The following NXPE4 variants were observed in gnomAD, a reference collection of about 807,000 sequenced individuals.
The protein encoded by NXPE4 is neurexophilin and PC-esterase domain family member 4.
NXPE4 carries 42 observed loss-of-function variants against 33.3 expected under a neutral mutation model. The observed-to-expected ratio is 1.26, with a 90% confidence interval of 0.98 to 1.63. The LOEUF (loss-of-function observed/expected upper bound fraction) is 1.63. NXPE4 is among the 40% of genes most tolerant of loss of function. The pLI, the probability that NXPE4 is intolerant of heterozygous loss-of-function variation, is 0.00. For synonymous variants in NXPE4, 253 were observed against 234.9 expected, an observed-to-expected ratio of 1.08 and a Z score of -0.71; for missense variants, 709 against 647.6, an observed-to-expected ratio of 1.09 and a Z score of -1.03.
intron 5 of NXPE4, among the ~76,000 whole-genome samples, chr11:114,575,235 A>G (rs1205585874): frequency 6.6e-6 from 1 of 152,154 alleles, no homozygotes; most frequent in Non-Finnish European, 1.5e-5. Context: ...AGCCAACATA[A>G]TACTGAATGG....
chr11:114,615,589 A>G, the NXPE4 span, among the ~76,000 whole-genome samples: 1 of 150,924 alleles, frequency 6.6e-6, no homozygotes, highest in Admixed American at 6.6e-5. Context: ...CTGGTGAATA[A>G]TATTTGCTGC....
chr11:114,644,130 G>C, the NXPE4 span, among the ~76,000 whole-genome samples: 1 of 152,146 alleles, frequency 6.6e-6, no homozygotes, highest in Non-Finnish European at 1.5e-5. Flanking sequence ...TGCTGAAGTT[G>C]CTTATCAGCT....
chr11:114,589,094 G>A (rs1380046952), intron 2 of NXPE4, among the ~76,000 whole-genome samples: 1 of 152,154 alleles, frequency 6.6e-6, no homozygotes, highest in East Asian at 1.9e-4. Context: ...AGTTGCTATT[G>A]ATGTGGGAAG....
At position 114,591,206 on chromosome 11, in the gene NXPE4, C is replaced by G. The variant is rs188324042; in HGVS notation, c.96+3458G>C. ...TATCCAGGCACAAGTGCTCAACTAG[C>G]TGAACTGACAGCTCTTACAAGAGCA... On this transcript the variant is annotated intron_variant, in intron 2 of 5. Transcript: ENST00000375478. 1.1e-3 allele frequency among the ~76,000 whole-genome samples: 165 copies of G among 152,352 alleles called. 1 individual carries two copies. The highest frequency in any genetic ancestry group is 3.7e-3 in the African/African-American group (154 of 41,586).
intron 2 of NXPE4, among the ~76,000 whole-genome samples, chr11:114,587,356 C>T (rs988891102): frequency 4.6e-5 from 7 of 152,236 alleles, no homozygotes; most frequent in South Asian, 2.1e-4. Context: ...AGAGCCACTG[C>T]CTAAGAATAA....
the NXPE4 span, among the ~76,000 whole-genome samples, chr11:114,610,058 G>A: frequency 6.6e-6 from 1 of 151,762 alleles, no homozygotes; most frequent in East Asian, 2.0e-4. Context: ...TGGATAATAA[G>A]TCTTGCCTCA....
At chr11:114,599,238 A>C (rs763499209), upstream of NXPE4, among the ~76,000 whole-genome samples, 1 of 152,152 alleles carries the variant, frequency 6.6e-6, no homozygotes, top group Non-Finnish European at 1.5e-5. Flanking sequence ...TCACTAAACC[A>C]TAACAAAACT....
the NXPE4 span, among the ~76,000 whole-genome samples, chr11:114,660,205 T>C: frequency 6.6e-6 from 1 of 152,068 alleles, no homozygotes; most frequent in African/African-American, 2.4e-5. Flanking sequence ...CTAAATGGTT[T>C]TATTTGCAAA....
intron 2 of NXPE4, among the ~76,000 whole-genome samples, chr11:114,593,056 C>A (rs185175469): frequency 3.0e-4 from 46 of 152,222 alleles, no homozygotes; most frequent in African/African-American, 1.0e-3. Flanking sequence ...ATATGCATGA[C>A]CCAAAGTATG....
chr11:114,579,132 T>A (rs1394335574), intron 5 of NXPE4, among the ~76,000 whole-genome samples: 1 of 152,136 alleles, frequency 6.6e-6, no homozygotes, highest in Non-Finnish European at 1.5e-5. Context: ...GGGAAGCTTT[T>A]AGTCATGGCG....
chr11:114,617,949 C>T, the NXPE4 span, among the ~76,000 whole-genome samples: 1 of 151,824 alleles, frequency 6.6e-6, no homozygotes, highest in Non-Finnish European at 1.5e-5. Flanking sequence ...AGTATTGCCT[C>T]GTGGGAAACC....
the NXPE4 span, among the ~76,000 whole-genome samples, chr11:114,667,696 T>C: frequency 2.0e-5 from 3 of 152,078 alleles, no homozygotes; most frequent in African/African-American, 7.2e-5. Context: ...GAGACCTTGC[T>C]AACAGACAGC....
chr11:114,586,791 C>T (rs1949310215), intron 2 of NXPE4, among the ~76,000 whole-genome samples: 1 of 152,166 alleles, frequency 6.6e-6, no homozygotes, highest in Non-Finnish European at 1.5e-5. Context: ...TTCCTATCCG[C>T]AACTTCCATG....
At chr11:114,653,535 T>C in the NXPE4 span, among the ~76,000 whole-genome samples, 62 of 12,622 alleles carry the variant, frequency 4.9e-3, no homozygotes, top group Non-Finnish European at 0.027. Flanking sequence ...TGCTTTCCCT[T>C]TTTTTTTTTT....
the NXPE4 span, among the ~76,000 whole-genome samples, chr11:114,608,995 A>T: frequency 3.8e-4 from 54 of 142,226 alleles, no homozygotes; most frequent in Non-Finnish European, 5.0e-4. Flanking sequence ...CACTGTTGCC[A>T]GGTGGATAAT....
At chr11:114,641,392 T>C in the NXPE4 span, among the ~76,000 whole-genome samples, 2 of 152,122 alleles carry the variant, frequency 1.3e-5, no homozygotes, top group South Asian at 2.1e-4. Context: ...ACAAAGGAAA[T>C]CTCAGCAACT....
the NXPE4 span, among the ~76,000 whole-genome samples, chr11:114,633,406 T>A: frequency 2.7e-5 from 4 of 145,504 alleles, no homozygotes; most frequent in Non-Finnish European, 6.0e-5. Flanking sequence ...TATATTATAT[T>A]TTATTATATG....
chr11:114,616,145 C>A, the NXPE4 span, among the ~76,000 whole-genome samples: 1 of 151,530 alleles, frequency 6.6e-6, no homozygotes, highest in Non-Finnish European at 1.5e-5. Flanking sequence ...ATAAGTATTG[C>A]CTCGTGGGTA....
upstream of NXPE4, among the ~76,000 whole-genome samples, chr11:114,600,369 A>T (rs1008573750): frequency 6.6e-6 from 1 of 152,174 alleles, no homozygotes; most frequent in Non-Finnish European, 1.5e-5. Context: ...ATAGTTATAC[A>T]TGAAATGACC....
Sources: allele counts gnomAD v4.1 joint callset (sites outside exome capture counted in the v4.1 genomes callset), GRCh38; gene constraint gnomAD v4.1.1; transcripts MANE v1.5; gene names NCBI Gene and HGNC (gene_info 2026-07-23, HGNC 2026-07-21).